Variants in TASOR2 observed in about 807,000 individuals in gnomAD.
TASOR2 encodes the protein protein TASOR 2.
A neutral mutation model predicts 199.5 loss-of-function variants in TASOR2; 84 were observed. The observed-to-expected ratio is 0.42, with a 90% CI of 0.35 to 0.50. The LOEUF (loss-of-function observed/expected upper bound fraction) is 0.50. Ranked by LOEUF, TASOR2 falls within the 20% of genes least tolerant of loss-of-function variation. The pLI is 0.02. For missense variants in TASOR2, 2,796 were observed against 2,835.9 expected, an observed-to-expected ratio of 0.99 and a Z score of 0.32; for synonymous variants, 1,103 against 1,046.6, an observed-to-expected ratio of 1.05 and a Z score of -1.04.
intron 1 of TASOR2, chr10:5,712,608 G>A (rs1024436339): frequency 1.0e-5 from 12 of 1,197,920 alleles, no homozygotes; most frequent in Non-Finnish European, 1.3e-5. Flanking sequence ...ATCATTTTTG[G>A]TATATAAGCC....
At position 5,737,152 on chromosome 10, in the gene TASOR2, G is replaced by T. The variant is rs1462132054; in HGVS notation, c.1447+1606G>T. Among the ~76,000 whole-genome samples the T allele has an allele frequency of 6.6e-6, 1 of 152,040 alleles. No homozygotes were observed. The highest frequency in any genetic ancestry group is 2.4e-5 in the African/African-American group (1 of 41,382). On this transcript the variant is annotated intron_variant, in intron 12 of 20. Coordinates refer to ENST00000328090, the Ensembl canonical transcript of TASOR2. The surrounding 1 kb of genome is among the most constrained non-coding windows in gnomAD (Gnocchi z 4.9). ...TTTTTGTATTTTTAGTAGAGATGGG[G>T]TTTAACCATTTTGGCCAGGATAGTC...
intron 15 of TASOR2, among the ~76,000 whole-genome samples, chr10:5,755,905 T>C (rs1023140623): frequency 6.6e-6 from 1 of 152,070 alleles, no homozygotes; most frequent in Non-Finnish European, 1.5e-5. Flanking sequence ...GGTAGGAGGA[T>C]TGCTTGAGCC....
chr10:5,701,250 A>AT lies in TASOR2; in HGVS notation c.-287-11571dup, dbSNP rs1837807202. 6.6e-6 allele frequency among the ~76,000 whole-genome samples: 1 copy of AT among 151,954 alleles called. No individual in the cohort carries two copies. The highest frequency in any genetic ancestry group is 2.1e-4 in the South Asian group (1 of 4,816). ...TTATCAAAGAGACTGTCCTTTTCCC[A>AT]TTGTATGTTTTAGCTCCTTTGTCGA... On this transcript the variant is annotated intron_variant, in intron 1 of 20. Transcript: ENST00000328090. This position sits in a 1 kb window ranked among gnomAD's most constrained non-coding sequence, Gnocchi z 4.9.
chr10:5,738,437 G>C lies in TASOR2; in HGVS notation c.1448-1181G>C, dbSNP rs1043591800. 6.6e-6 allele frequency among the ~76,000 whole-genome samples: 1 copy of C among 152,194 alleles called. No individual in the cohort carries two copies. The highest frequency in any genetic ancestry group is 1.5e-5 in the Non-Finnish European group (1 of 68,026). On this transcript the variant is annotated intron_variant, in intron 12 of 20. Transcript: ENST00000328090. This position sits in a 1 kb window ranked among gnomAD's most constrained non-coding sequence, Gnocchi z 4.7. ...TTAACAAAGAATGAAATTAGCATCA[G>C]ATCACAAAATTAATTTTATGTTTCC...
Position 5,720,579 on chromosome 10 carries a change from T to C in TASOR2, c.-64T>C. On this transcript the variant is annotated 5_prime_UTR_variant, in exon 4 of 21. Transcript: ENST00000328090. The surrounding 1 kb of genome is among the most constrained non-coding windows in gnomAD (Gnocchi z 5.3). The stretch of plus-strand genomic sequence containing the variant: ...ACGAACTTTCAGGCAACACCGTTAT[T>C]GAACGACCCAGACAGATCTGTCCTT... The C allele has an allele frequency of 6.2e-7, 1 of 1,606,856 alleles. No individual in the cohort carries two copies. The highest frequency in any genetic ancestry group is 8.5e-7 in the Non-Finnish European group (1 of 1,177,704).
exon 13 of TASOR2, chr10:5,739,655 T>A (rs376671095): frequency 4.3e-6 from 7 of 1,613,694 alleles, no homozygotes; most frequent in Middle Eastern, 1.7e-4. Flanking sequence ...AATCAGAAAT[T>A]TCAAGAGGTT....
At chr10:5,714,136 C>T in intron 2 of TASOR2, 1 of 1,230,672 alleles carries the variant, frequency 8.1e-7, no homozygotes, top group Non-Finnish European at 1.0e-6. Flanking sequence ...TGTTTAAAGG[C>T]AAAATTGGTA....
Position 5,746,162 on chromosome 10 carries a change from T to TG in TASOR2, c.2758-17_2758-16insG. ...TATATGACTGATTTTTTTTTTTTTT[T>TG]ACTTTGGCCGTTTCAGGTAACTGGG... On this transcript the variant is annotated splice_polypyrimidine_tract_variant and intron_variant, in intron 14 of 20. Transcript: ENST00000328090. 1 of 1,506,106 alleles carries TG rather than the reference T, an allele frequency of 6.6e-7. No individual in the cohort carries two copies. The highest frequency in any genetic ancestry group is 2.3e-5 in the East Asian group (1 of 43,518). The allele number at this position is 1,506,106 out of a possible 1,614,324, so 93.3% of individuals were successfully genotyped here. A position where few individuals can be genotyped will look rare whatever the true frequency, so the allele number is the denominator to read the frequency against.
At chr10:5,692,855 G>T (rs2131496052) in intron 1 of TASOR2, 1 of 152,460 alleles carries the variant, frequency 6.6e-6, no homozygotes, top group Non-Finnish European at 1.5e-5. Context: ...TTGGCTGGCG[G>T]GAGGGGGCCG....
intron 15 of TASOR2, among the ~76,000 whole-genome samples, chr10:5,753,442 A>G (rs1391688712): frequency 6.6e-6 from 1 of 152,144 alleles, no homozygotes; most frequent in Non-Finnish European, 1.5e-5. Context: ...GGCTCACTGC[A>G]AGCTCTGTCT....
chr10:5,703,491 T>C (rs1838160496), intron 1 of TASOR2, among the ~76,000 whole-genome samples: 1 of 145,066 alleles, frequency 6.9e-6, no homozygotes, highest in Admixed American at 7.4e-5. Flanking sequence ...ATTGCTAGTT[T>C]AGGTTTTTCT....
exon 11 of TASOR2, chr10:5,731,187 T>G: frequency 5.0e-6 from 8 of 1,600,708 alleles, no homozygotes; most frequent in Non-Finnish European, 6.8e-6. Context: ...GACAGTTTCC[T>G]CAGAAAAGAA....
intron 18 of TASOR2, among the ~76,000 whole-genome samples, chr10:5,760,526 TAC>T (rs1839653985): frequency 1.3e-5 from 2 of 152,204 alleles, no homozygotes; most frequent in Admixed American, 1.3e-4. Context: ...ATATGCAGAC[TAC>T]AGTTAAATAT....
chr10:5,731,647 G>C (rs888313919), intron 11 of TASOR2, among the ~76,000 whole-genome samples: 27 of 152,206 alleles, frequency 1.8e-4, no homozygotes, highest in Non-Finnish European at 1.2e-4. Context: ...GGCAATTTGT[G>C]TGCCTCCTAA....
intron 2 of TASOR2, among the ~76,000 whole-genome samples, chr10:5,716,900 GTATATAAATATAAATATATATA>G (rs1389036513): frequency 6.7e-6 from 1 of 148,184 alleles, no homozygotes; most frequent in Non-Finnish European, 1.5e-5. Context: ...AAATATAAAT[GTATATAAATATAAATATATATA>G]TATATAAATA....
At chr10:5,736,431 A>G (rs982273308) in intron 12 of TASOR2, among the ~76,000 whole-genome samples, 6 of 123,310 alleles carry the variant, frequency 4.9e-5, no homozygotes, top group African/African-American at 2.0e-4. Context: ...AAAAAAAAAA[A>G]GAGAGAGAGA....
At chr10:5,721,872 G>A (rs547729478) in intron 6 of TASOR2, among the ~76,000 whole-genome samples, 1 of 152,294 alleles carries the variant, frequency 6.6e-6, no homozygotes, top group Admixed American at 6.5e-5. Context: ...TTAAGTTAAT[G>A]ATAGACCTAT....
Position 5,742,544 on chromosome 10 carries a change from C to G in TASOR2, c.2757+18C>G. ...ATAATGAGGTATGTAAAGCTGAATACCGTTAAATGTTGGCATTATTTTTGA... is the reference window on the plus strand; with the variant it reads ...ATAATGAGGTATGTAAAGCTGAATAGCGTTAAATGTTGGCATTATTTTTGA... On this transcript the variant is annotated intron_variant, in intron 14 of 20. Coordinates refer to ENST00000328090, the Ensembl canonical transcript of TASOR2. The surrounding 1 kb of genome is among the most constrained non-coding windows in gnomAD (Gnocchi z 4.2). 6.3e-7 allele frequency: 1 copy of G among 1,576,054 alleles called. No homozygotes were observed. Among genetic ancestry groups the G allele is most frequent in the East Asian group, 2.2e-5 (1 of 44,734 alleles).
At chr10:5,700,036 C>A (rs1837614719) in intron 1 of TASOR2, among the ~76,000 whole-genome samples, 1 of 152,090 alleles carries the variant, frequency 6.6e-6, no homozygotes, top group Non-Finnish European at 1.5e-5. Context: ...AACACTAGGT[C>A]TTCTATCAAA....
Sources: allele counts gnomAD v4.1 joint callset (sites outside exome capture counted in the v4.1 genomes callset), GRCh38; gene constraint gnomAD v4.1.1; non-coding constraint Gnocchi (gnomAD v3.1); transcripts MANE v1.5; gene names NCBI Gene and HGNC (gene_info 2026-07-23, HGNC 2026-07-21).